Variants in RORA observed in about 807,000 individuals in gnomAD.
RORA encodes nuclear receptor ROR-alpha.
Under a neutral mutation model 69.5 loss-of-function variants are expected in RORA, and 7 were observed. The ratio of observed to expected loss-of-function variants is 0.10; its 90% confidence interval spans 0.06 to 0.19. The LOEUF is 0.19. Ranked by LOEUF, RORA falls within the 10% of genes least tolerant of loss-of-function variation. RORA has a pLI of 1.00. For missense variants in RORA, 457 were observed against 663.0 expected (o/e 0.69, Z 3.41); for synonymous variants, 261 against 240.8 (o/e 1.08, Z -0.78).
intron 1 of RORA, among the ~76,000 whole-genome samples, chr15:60,878,196 TAGCC>T (rs2073639898): frequency 8.5e-6 from 1 of 117,854 alleles, no homozygotes; most frequent in South Asian, 2.8e-4. Flanking sequence ...AAAAAAAAAT[TAGCC>T]AGGCGTAGTG....
Position 61,119,082 on chromosome 15 carries a change from G to GC in RORA, c.166+109970_166+109971insG, listed in dbSNP as rs11380711. Among the ~76,000 whole-genome samples, 28 of 130,876 alleles carry GC rather than the reference G, an allele frequency of 2.1e-4. 1 individual carries two copies. The highest frequency in any genetic ancestry group is 6.4e-4 in the Admixed American group (8 of 12,438). 85.9% of individuals were successfully genotyped at this position (130,876 alleles called of 152,430 possible). A position where few individuals can be genotyped will look rare whatever the true frequency, so the allele number is the denominator to read the frequency against. ...AGTCGGGAAGATGCAGTTAACAGAAGGGGGGGGGGGGCGCCATGGAGCAGT... is the reference window on the plus strand; with the variant it reads ...AGTCGGGAAGATGCAGTTAACAGAAGCGGGGGGGGGGGCGCCATGGAGCAGT... On this transcript the variant is annotated intron_variant, in intron 1 of 10. Coordinates refer to ENST00000335670, the MANE Select transcript of RORA (RefSeq NM_134261.3).
chr15:60,838,217 C>G (rs927884264), intron 1 of RORA, among the ~76,000 whole-genome samples: 1 of 152,128 alleles, frequency 6.6e-6, no homozygotes, highest in African/African-American at 2.4e-5. Flanking sequence ...TGTTCCACAC[C>G]AGACCTTAGA....
In RORA at chr15:60,617,659, C is replaced by CAGAGAGAGAGAGAG. The variant is rs10594406; in HGVS notation, c.196+60984_196+60997dup. ...ACACACGCACATACACACATACAGA[C>CAGAGAGAGAGAGAG]AGAGAGAGAGAGAGAGAGAGAGAGA... On this transcript the variant is annotated intron_variant, in intron 2 of 10. Coordinates refer to ENST00000335670, the MANE Select transcript of RORA (RefSeq NM_134261.3). 1.2e-4 allele frequency among the ~76,000 whole-genome samples: 17 copies of CAGAGAGAGAGAGAG among 141,554 alleles called. No homozygotes were observed. The East Asian group carries it at 1.7e-3, about 14-fold the overall frequency. The allele number at this position is 141,554 out of a possible 152,430, so 92.9% of individuals were successfully genotyped here. A position where few individuals can be genotyped will look rare whatever the true frequency, so the allele number is the denominator to read the frequency against.
At chr15:61,092,897 C>G (rs1353262497) in intron 1 of RORA, among the ~76,000 whole-genome samples, 1 of 152,216 alleles carries the variant, frequency 6.6e-6, no homozygotes, top group African/African-American at 2.4e-5. Context: ...CTCCACAGTG[C>G]CTCTCTCCAG....
chr15:61,000,481 G>C (rs1489304914), intron 1 of RORA, among the ~76,000 whole-genome samples: 1 of 152,166 alleles, frequency 6.6e-6, no homozygotes, highest in Admixed American at 6.5e-5. Flanking sequence ...AGGATCACAG[G>C]TTCAAAGGCA....
At chr15:60,942,075 C>A (rs192347314) in intron 1 of RORA, among the ~76,000 whole-genome samples, 1 of 152,072 alleles carries the variant, frequency 6.6e-6, no homozygotes, top group African/African-American at 2.4e-5. Flanking sequence ...AAGATTCCCC[C>A]TAATTTTTTA....
At chr15:60,732,361 G>A (rs906696016) in intron 1 of RORA, among the ~76,000 whole-genome samples, 2 of 152,114 alleles carry the variant, frequency 1.3e-5, no homozygotes, top group Non-Finnish European at 2.9e-5. Flanking sequence ...TTCCTGAGAG[G>A]CAGCAAAGTC....
intron 2 of RORA, among the ~76,000 whole-genome samples, chr15:60,574,451 G>T (rs1033736035): frequency 7.2e-5 from 11 of 152,178 alleles, no homozygotes; most frequent in Non-Finnish European, 5.9e-5. Flanking sequence ...GCCCCCATCT[G>T]ACCAGACCAC....
At chr15:61,192,013 T>A (rs931243823) in intron 1 of RORA, among the ~76,000 whole-genome samples, 2 of 152,224 alleles carry the variant, frequency 1.3e-5, no homozygotes, top group African/African-American at 4.8e-5. Context: ...GGTACTTGGG[T>A]TGACAGAGCT....
At chr15:60,519,152 C>T (rs1393031679) in intron 3 of RORA, among the ~76,000 whole-genome samples, 1 of 152,098 alleles carries the variant, frequency 6.6e-6, no homozygotes, top group East Asian at 1.9e-4. Context: ...CCCCATGAGG[C>T]TAAGGGGGGA....
intron 1 of RORA, among the ~76,000 whole-genome samples, chr15:61,148,258 A>C (rs2079368424): frequency 6.6e-6 from 1 of 152,186 alleles, no homozygotes; most frequent in African/African-American, 2.4e-5. Flanking sequence ...GGCAGGAGGT[A>C]GGTGGGTATC....
At chr15:60,793,919 C>T (rs1407837426) in intron 1 of RORA, among the ~76,000 whole-genome samples, 7 of 152,242 alleles carry the variant, frequency 4.6e-5, no homozygotes, top group East Asian at 1.9e-4. Flanking sequence ...GTGATTCTGC[C>T]GGATTAAGCA....
intron 1 of RORA, among the ~76,000 whole-genome samples, chr15:60,978,959 C>CCCTTTTTTTTTTTT (rs1423510527): frequency 6.5e-4 from 32 of 48,972 alleles, no homozygotes; most frequent in African/African-American, 2.2e-3. Context: ...TCCAACTTTG[C>CCCTTTTTTTTTTTT]TCTTTTTTTT....
intron 1 of RORA, among the ~76,000 whole-genome samples, chr15:60,878,965 C>G (rs1242515392): frequency 6.6e-6 from 1 of 152,222 alleles, no homozygotes; most frequent in South Asian, 2.1e-4. Context: ...AACTCAGCCA[C>G]TCATCTGTCA....
chr15:61,040,869 C>T (rs1191352067), intron 1 of RORA, among the ~76,000 whole-genome samples: 2 of 152,116 alleles, frequency 1.3e-5, no homozygotes, highest in Non-Finnish European at 2.9e-5. Context: ...ATTGATAAAA[C>T]TCTTGGTTAG....
chr15:60,739,707 C>T (rs890837197), intron 1 of RORA, among the ~76,000 whole-genome samples: 1 of 152,190 alleles, frequency 6.6e-6, no homozygotes, highest in Non-Finnish European at 1.5e-5. Flanking sequence ...TCGGGGACCT[C>T]CCAGTCTCTG....
chr15:60,678,830 T>G (rs1219850353), intron 1 of RORA, 144 bp from the exon 2 acceptor site: 1 of 684,820 alleles, frequency 1.5e-6, no homozygotes, highest in Non-Finnish European at 2.6e-6. Flanking sequence ...TGCACAGGAG[T>G]GTCACTAGAC....
chr15:60,871,014 G>C (rs555408588), intron 1 of RORA, among the ~76,000 whole-genome samples: 1 of 152,322 alleles, frequency 6.6e-6, no homozygotes, highest in South Asian at 2.1e-4. Context: ...AGTTGGAGAG[G>C]TTTGATACTC....
intron 1 of RORA, among the ~76,000 whole-genome samples, chr15:61,183,533 CAAA>C (rs11392772): frequency 7.7e-6 from 1 of 130,690 alleles, no homozygotes; most frequent in African/African-American, 3.0e-5. Context: ...GAGACTGTTT[CAAA>C]AAAAAAAAAA....
Sources: allele counts gnomAD v4.1 joint callset (sites outside exome capture counted in the v4.1 genomes callset), GRCh38; gene constraint gnomAD v4.1.1; transcripts MANE v1.5; gene names NCBI Gene and HGNC (gene_info 2026-07-23, HGNC 2026-07-21).